Variants in SYN3 observed in about 807,000 individuals in gnomAD.
SYN3 encodes synapsin III.
SYN3 carries 35 observed loss-of-function variants against 65.8 expected under a neutral mutation model. The ratio of observed to expected loss-of-function variants is 0.53; its 90% CI spans 0.41 to 0.70. The LOEUF is 0.70. Among genes scored for constraint, SYN3 ranks in the 30% least tolerant of loss-of-function variants. The probability of loss-of-function intolerance (pLI) is 0.00; values close to 1 mark genes in which losing one functional copy is unlikely to be tolerated. For synonymous variants in SYN3, 270 were observed against 292.9 expected (o/e 0.92, Z 0.80); for missense variants, 680 against 749.0 (o/e 0.91, Z 1.08).
intron 13 of SYN3, 23 bp downstream of exon 13, chr22:32,518,018 CTT>C: frequency 6.6e-7 from 1 of 1,508,576 alleles, no homozygotes; most frequent in African/African-American, 1.4e-5. Flanking sequence ...TATCCTATAC[CTT>C]TTCCAATTCC....
At chr22:32,609,216 C>A (rs557107604) in intron 6 of SYN3, among the ~76,000 whole-genome samples, 5 of 151,886 alleles carry the variant, frequency 3.3e-5, no homozygotes, top group Non-Finnish European at 7.4e-5. Flanking sequence ...CCCAGTTACT[C>A]GGGAGGCTGA....
At chr22:32,893,513 A>G (rs1043433308) in intron 4 of SYN3, among the ~76,000 whole-genome samples, 5 of 152,198 alleles carry the variant, frequency 3.3e-5, no homozygotes, top group Non-Finnish European at 5.9e-5. Flanking sequence ...GAGTCTTAAA[A>G]ATCAGTAGAG....
At chr22:32,523,672 G>C (rs2057928227) in intron 12 of SYN3, among the ~76,000 whole-genome samples, 1 of 152,118 alleles carries the variant, frequency 6.6e-6, no homozygotes, top group Non-Finnish European at 1.5e-5. Flanking sequence ...GACCAGTTAA[G>C]AACCCAATAA....
chr22:32,957,258 A>T (rs1432396880), intron 3 of SYN3, among the ~76,000 whole-genome samples: 1 of 152,224 alleles, frequency 6.6e-6, no homozygotes, highest in Non-Finnish European at 1.5e-5. Context: ...AGTAAACGCA[A>T]ACATGGGTAA....
chr22:32,524,523 C>T (rs1172952682), intron 12 of SYN3, among the ~76,000 whole-genome samples: 1 of 152,148 alleles, frequency 6.6e-6, no homozygotes, highest in Non-Finnish European at 1.5e-5. Flanking sequence ...ATATTTTAAG[C>T]CTACTGTTGA....
intron 1 of SYN3, among the ~76,000 whole-genome samples, chr22:33,018,400 C>G (rs1160482461): frequency 6.6e-6 from 1 of 152,120 alleles, no homozygotes; most frequent in Admixed American, 6.5e-5. Flanking sequence ...CAGTAGGCCC[C>G]GTGGGTACCC....
chr22:32,896,729 C>T (rs1490789958), intron 4 of SYN3, among the ~76,000 whole-genome samples: 4 of 152,132 alleles, frequency 2.6e-5, no homozygotes, highest in African/African-American at 4.8e-5. Context: ...AAAGGGTAAA[C>T]GTGAAATTTT....
chr22:32,948,502 C>T (rs1040788534), intron 3 of SYN3, among the ~76,000 whole-genome samples: 4 of 151,866 alleles, frequency 2.6e-5, no homozygotes, highest in South Asian at 2.1e-4. Context: ...TTTGGGAGGC[C>T]GAGGCGGGCA....
chr22:32,627,033 C>T (rs1036805922), intron 6 of SYN3, among the ~76,000 whole-genome samples: 2 of 152,182 alleles, frequency 1.3e-5, no homozygotes, highest in Non-Finnish European at 2.9e-5. Context: ...CACAGAGTCT[C>T]AGTTCCCATG....
rs1375149892 is a variant in SYN3, at chr22:32,809,812, T to C, written c.711+55103A>G. Among the ~76,000 whole-genome samples the C allele has an allele frequency of 3.3e-5, 5 of 152,350 alleles. No individual in the cohort carries two copies. In the East Asian group the frequency reaches 9.7e-4, roughly 29 times the overall value. ...TCGGATTTGGGTTGGCTTACTGATA[T>C]GCCTAAAATAGCTCCTGGCTTCTTT... On this transcript the variant is annotated intron_variant, in intron 6 of 13. Coordinates refer to ENST00000358763, the MANE Select transcript of SYN3 (RefSeq NM_003490.4).
chr22:32,541,788 GCT>G (rs1339891910), intron 7 of SYN3, 75 bp from the exon 8 acceptor site: 7 of 1,532,264 alleles, frequency 4.6e-6, no homozygotes, highest in Non-Finnish European at 6.2e-6. Flanking sequence ...AGGAACAAGT[GCT>G]CTGTCTATAG....
intron 6 of SYN3, among the ~76,000 whole-genome samples, chr22:32,760,698 C>T (rs915117021): frequency 2.0e-5 from 3 of 152,166 alleles, no homozygotes; most frequent in Non-Finnish European, 4.4e-5. Context: ...CTGTCCTTCC[C>T]CACTGGTTCA....
chr22:32,956,041 C>CATATATATATATATATATATATATATAT lies in SYN3; in HGVS notation c.370-24561_370-24560insATATATATATATATATATATATATATAT, dbSNP rs5845054. On this transcript the variant is annotated intron_variant, in intron 3 of 13. Transcript: ENST00000358763. ...GAGTTAATACTACTTAATAAATTCA[C>CATATATATATATATATATATATATATAT]ATATATATATATATATATATAAAAT... Among the ~76,000 whole-genome samples the CATATATATATATATATATATATATATAT allele has an allele frequency of 1.9e-3, 245 of 130,532 alleles. 1 individual carries two copies. Among genetic ancestry groups the CATATATATATATATATATATATATATAT allele is most frequent in the African/African-American group, 5.4e-3 (161 of 30,086 alleles). 85.6% of individuals were successfully genotyped at this position (130,532 alleles called of 152,430 possible).
intron 8 of SYN3, among the ~76,000 whole-genome samples, chr22:32,539,236 G>A (rs1013401941): frequency 6.6e-6 from 1 of 152,154 alleles, no homozygotes; most frequent in South Asian, 2.1e-4. Flanking sequence ...GCACTGCACC[G>A]TAGTTGGCAA....
chr22:32,678,186 C>T (rs1454004980), intron 6 of SYN3, among the ~76,000 whole-genome samples: 4 of 152,152 alleles, frequency 2.6e-5, no homozygotes, highest in Admixed American at 2.6e-4. Context: ...GTAATGGTCA[C>T]AGCCTTACAG....
chr22:32,695,113 T>A (rs1418592427), intron 6 of SYN3, among the ~76,000 whole-genome samples: 2 of 152,244 alleles, frequency 1.3e-5, no homozygotes, highest in Non-Finnish European at 2.9e-5. Flanking sequence ...TCTTTTATAA[T>A]ATCTTTGAAT....
chr22:32,948,943 T>C (rs191216881), intron 3 of SYN3, among the ~76,000 whole-genome samples: 2 of 151,948 alleles, frequency 1.3e-5, no homozygotes, highest in East Asian at 3.9e-4. Context: ...AGATACAGGT[T>C]GAACATTCCT....
intron 7 of SYN3, among the ~76,000 whole-genome samples, chr22:32,585,148 A>G (rs1261012702): frequency 6.6e-6 from 1 of 152,214 alleles, no homozygotes; most frequent in African/African-American, 2.4e-5. Flanking sequence ...GAGATGCACA[A>G]GGCACTCATC....
Position 32,528,886 on chromosome 22 carries a change from G to T in SYN3, c.1218C>A (p.Pro406=), listed in dbSNP as rs375040725. ...GTGAGGGTCTTACCCAAGGTCTGAG[G>T]GGGGAGGGCGCTGTGCCTCCTGGCA... ...LPMPGGTAPS[P]LRPWAPQIKS... Residue 406 remains proline, a synonymous_variant, in exon 11 of 14, where the codon CCC becomes CCA. Transcript: ENST00000358763. The T allele has an allele frequency of 2.6e-4, 419 of 1,614,140 alleles. 6 individuals carry two copies. In the South Asian group the frequency reaches 4.2e-3, roughly 16 times the overall value.
Sources: gnomAD v4.1 joint callset for allele counts (sites outside exome capture counted in the v4.1 genomes callset) on GRCh38, gnomAD v4.1.1 for gene constraint, MANE v1.5 for transcripts, NCBI Gene and HGNC (gene_info 2026-07-23, HGNC 2026-07-21) for gene names.